SNTB1: variants seen among roughly 807,000 people sequenced by gnomAD.
The protein encoded by SNTB1 is syntrophin beta 1, also known as beta-1-syntrophin.
A neutral mutation model predicts 48.9 loss-of-function variants in SNTB1; 36 were observed. The observed-to-expected ratio is 0.74, with a 90% CI of 0.56 to 0.97. SNTB1 has a LOEUF of 0.97. Ranked by LOEUF, SNTB1 falls within the 50% of genes least tolerant of loss-of-function variation. The pLI, the probability that SNTB1 is intolerant of heterozygous loss-of-function variation, is 0.00. For missense variants in SNTB1, 786 were observed against 703.4 expected (o/e 1.12, Z -1.33); for synonymous variants, 299 against 294.6 (o/e 1.01, Z -0.15).
At chr8:120,584,980 T>C (rs545822031) in intron 3 of SNTB1, among the ~76,000 whole-genome samples, 2 of 152,312 alleles carry the variant, frequency 1.3e-5, no homozygotes, top group South Asian at 2.1e-4. Flanking sequence ...TTCTTCCTTA[T>C]GTCGTCAGAA....
chr8:120,808,341 G>A (rs575263505), intron 1 of SNTB1, among the ~76,000 whole-genome samples: 38 of 152,288 alleles, frequency 2.5e-4, no homozygotes, highest in African/African-American at 8.9e-4. Flanking sequence ...CACATATTAA[G>A]TGCTCAATAA....
At chr8:120,584,057 T>A (rs1333536143) in intron 3 of SNTB1, among the ~76,000 whole-genome samples, 2 of 152,208 alleles carry the variant, frequency 1.3e-5, no homozygotes. Flanking sequence ...CTCACGCTTG[T>A]AAGCCCAACA....
chr8:120,786,327 T>G (rs1819923879), intron 1 of SNTB1, among the ~76,000 whole-genome samples: 1 of 152,136 alleles, frequency 6.6e-6, no homozygotes, highest in South Asian at 2.1e-4. Flanking sequence ...TTTCTACTTG[T>G]GGGAAGTCTG....
chr8:120,573,987 G>A (rs942609451), intron 4 of SNTB1, among the ~76,000 whole-genome samples: 2 of 152,162 alleles, frequency 1.3e-5, no homozygotes, highest in Non-Finnish European at 2.9e-5. Context: ...GTCTATAGAT[G>A]AACGGATAAA....
intron 1 of SNTB1, among the ~76,000 whole-genome samples, chr8:120,788,762 G>T (rs908979365): frequency 6.6e-6 from 1 of 152,000 alleles, no homozygotes; most frequent in Non-Finnish European, 1.5e-5. Flanking sequence ...TTAGATATAT[G>T]AAAAGAAATA....
At chr8:120,556,309 T>C (rs1449306428) in intron 4 of SNTB1, among the ~76,000 whole-genome samples, 1 of 152,144 alleles carries the variant, frequency 6.6e-6, no homozygotes. Context: ...GAATTATTCC[T>C]CCTCACTGGA....
intron 1 of SNTB1, among the ~76,000 whole-genome samples, chr8:120,743,346 A>T (rs1819074645): frequency 6.6e-6 from 1 of 152,154 alleles, no homozygotes; most frequent in Non-Finnish European, 1.5e-5. Context: ...TAATTATAAA[A>T]CACGGTTTTG....
chr8:120,605,954 G>C (rs1303324186), intron 3 of SNTB1, among the ~76,000 whole-genome samples: 2 of 152,048 alleles, frequency 1.3e-5, no homozygotes, highest in African/African-American at 2.4e-5. Context: ...AAGGTGGGAG[G>C]CTTGGCAAGT....
intron 3 of SNTB1, among the ~76,000 whole-genome samples, chr8:120,624,416 T>C (rs1816842421): frequency 6.6e-6 from 1 of 152,164 alleles, no homozygotes. Context: ...AGCATCCTTT[T>C]TATCAGGAGC....
chr8:120,652,072 A>G (rs1013180783), intron 2 of SNTB1, among the ~76,000 whole-genome samples: 1 of 152,200 alleles, frequency 6.6e-6, no homozygotes, highest in Non-Finnish European at 1.5e-5. Flanking sequence ...CGCATTTATC[A>G]TGTATTCAAT....
intron 3 of SNTB1, among the ~76,000 whole-genome samples, chr8:120,613,558 C>T (rs1346179408): frequency 1.3e-5 from 2 of 152,152 alleles, no homozygotes; most frequent in Non-Finnish European, 2.9e-5. Context: ...ATCAACATTA[C>T]AGTACTGCTA....
chr8:120,749,955 C>T (rs891462803), intron 1 of SNTB1, among the ~76,000 whole-genome samples: 2 of 152,150 alleles, frequency 1.3e-5, no homozygotes, highest in Non-Finnish European at 2.9e-5. Flanking sequence ...GCTTTATAAA[C>T]CTCTAGCAAT....
intron 5 of SNTB1, among the ~76,000 whole-genome samples, chr8:120,543,309 A>G (rs556917754): frequency 1.4e-4 from 21 of 152,186 alleles, no homozygotes; most frequent in Non-Finnish European, 3.1e-4. Context: ...TCAGGTTTTG[A>G]TCTACATCTA....
At chr8:120,623,299 T>A (rs991506682) in intron 3 of SNTB1, among the ~76,000 whole-genome samples, 3 of 152,210 alleles carry the variant, frequency 2.0e-5, no homozygotes, top group Admixed American at 2.0e-4. Context: ...GAGCCTCACA[T>A]GTTTCCAAAA....
intron 1 of SNTB1, among the ~76,000 whole-genome samples, chr8:120,752,018 T>G (rs1819226241): frequency 6.6e-6 from 1 of 152,204 alleles, no homozygotes; most frequent in Admixed American, 6.6e-5. Flanking sequence ...GATCGTCTTA[T>G]TTTTCTTCTT....
rs564989469 is a variant in SNTB1, at chr8:120,811,935, G to A, written c.-92C>T. The stretch of plus-strand genomic sequence containing the variant: ...GGGAGGACGCGGGGCCCGGGGGAGC[G>A]AGGAGAGTGCGTCCCGCGGGGAGGT... On this transcript the variant is annotated 5_prime_UTR_variant, in exon 1 of 7. Coordinates refer to ENST00000517992, the MANE Select transcript of SNTB1 (RefSeq NM_021021.4). 2.3e-6 allele frequency: 3 copies of A among 1,278,870 alleles called. No individual in the cohort carries two copies. The highest frequency in any genetic ancestry group is 6.5e-5 in the East Asian group (2 of 30,920). The allele number at this position is 1,278,870 out of a possible 1,614,324, so 79.2% of individuals were successfully genotyped here. A position where few individuals can be genotyped will look rare whatever the true frequency, so the allele number is the denominator to read the frequency against.
At chr8:120,583,560 C>CACACAAAAAA (rs1466831833) in intron 3 of SNTB1, among the ~76,000 whole-genome samples, 4 of 134,712 alleles carry the variant, frequency 3.0e-5, no homozygotes, top group African/African-American at 1.1e-4. Context: ...CACACACACA[C>CACACAAAAAA]AAAACTGGAA....
At chr8:120,553,589 A>T (rs1815517907) in intron 4 of SNTB1, among the ~76,000 whole-genome samples, 1 of 152,236 alleles carries the variant, frequency 6.6e-6, no homozygotes. Flanking sequence ...TATATTCTGG[A>T]AAAGCTCTGT....
At chr8:120,778,038 T>C (rs796406949) in intron 1 of SNTB1, among the ~76,000 whole-genome samples, 28 of 152,364 alleles carry the variant, frequency 1.8e-4, no homozygotes, top group African/African-American at 6.5e-4. Context: ...GTTAACAATG[T>C]CCAGTCATTT....
Sources: gnomAD v4.1 joint callset for allele counts (sites outside exome capture counted in the v4.1 genomes callset) on GRCh38, gnomAD v4.1.1 for gene constraint, MANE v1.5 for transcripts, NCBI Gene and HGNC (gene_info 2026-07-23, HGNC 2026-07-21) for gene names.